ZP3: variants seen among roughly 807,000 people sequenced by gnomAD.
ZP3 encodes the protein zona pellucida sperm-binding protein 3.
ZP3 carries 21 observed loss-of-function variants against 35.6 expected under a neutral mutation model. The observed-to-expected ratio is 0.59, with a 90% CI of 0.42 to 0.85. ZP3 has a LOEUF of 0.85. ZP3 is among the 40% of genes least tolerant of loss of function. The probability of loss-of-function intolerance (pLI) is 0.00; values close to 1 mark genes in which losing one functional copy is unlikely to be tolerated. For synonymous variants in ZP3, 207 were observed against 214.5 expected (o/e 0.96, Z 0.31); for missense variants, 437 against 536.5 (o/e 0.81, Z 1.83).
At chr7:76,424,939 C>A (rs576686860), upstream of ZP3, 3 of 1,494,570 alleles carry the variant, frequency 2.0e-6, no homozygotes, top group African/African-American at 2.8e-5. Flanking sequence ...TGGCCAGAGG[C>A]GGCTGCCTGC....
At chr7:76,416,484 G>C (rs950814224) in intron 1 of ZP3, among the ~76,000 whole-genome samples, 1 of 151,798 alleles carries the variant, frequency 6.6e-6, no homozygotes, top group Non-Finnish European at 1.5e-5. Context: ...GCTACAGTCA[G>C]GGTCACATGC....
At position 76,429,553 on chromosome 7, in the gene ZP3, C is replaced by A; in HGVS notation, c.351C>A (p.Leu117=). 1.2e-6 allele frequency: 2 copies of A among 1,614,102 alleles called. No individual in the cohort carries two copies. The highest frequency in any genetic ancestry group is 1.7e-6 in the Non-Finnish European group (2 of 1,179,998). Residue 117 remains leucine, a synonymous_variant, in exon 2 of 8, where the codon CTC becomes CTA. Coordinates refer to ENST00000394857, the MANE Select transcript of ZP3 (RefSeq NM_001110354.2). ...CCCTGGTGTACAGCACCTTCCTGCTCCATGACCCCCGCCCCGTGGGAAACC... is the reference window on the plus strand; with the variant it reads ...CCCTGGTGTACAGCACCTTCCTGCTACATGACCCCCGCCCCGTGGGAAACC... ...DDALVYSTFL[L]HDPRPVGNLS... is the part of the protein sequence containing the mutation.
chr7:76,409,323 TCACACA>T (rs3081030), intron 1 of ZP3: 19,366 of 146,396 alleles, frequency 0.13, 1,825 homozygotes, highest in African/African-American at 0.28. Flanking sequence ...TCTCTCTGTC[TCACACA>T]CACACACACA....
At chr7:76,423,452 G>A (rs564863177), upstream of ZP3, among the ~76,000 whole-genome samples, 16 of 152,280 alleles carry the variant, frequency 1.1e-4, no homozygotes, top group South Asian at 2.3e-3. Flanking sequence ...TGGCAACAAG[G>A]CTGTCAATCA....
intron 2 of ZP3, 99 bp from the exon 3 acceptor site, chr7:76,432,828 G>A: frequency 1.0e-6 from 1 of 1,004,594 alleles, no homozygotes. Flanking sequence ...CCATAGCTGA[G>A]GACCCTGTAG....
At chr7:76,432,622 C>T (rs73363157) in intron 2 of ZP3, among the ~76,000 whole-genome samples, 6,292 of 152,172 alleles carry the variant, frequency 0.041, 385 homozygotes, top group African/African-American at 0.14. Context: ...AGGTCCAGGG[C>T]TCAAGAGGGA....
chr7:76,429,382 G>A (rs1193887297), intron 1 of ZP3, 133 bp from the exon 2 acceptor site: 2 of 800,608 alleles, frequency 2.5e-6, no homozygotes, highest in Non-Finnish European at 4.3e-6. Flanking sequence ...ACAGGCATGA[G>A]TCACTGCACC....
Position 76,415,364 on chromosome 7 carries a change from C to CAAAAAAAAAAAAAAAAAAAAAAAA in ZP3, c.-66-9673_-66-9672insAAAAAAAAAAAAAAAAAAAAAAAA, listed in dbSNP as rs528001072. Among the ~76,000 whole-genome samples the CAAAAAAAAAAAAAAAAAAAAAAAA allele has an allele frequency of 7.7e-4, 49 of 63,498 alleles. 5 individuals carry two copies. Among genetic ancestry groups the CAAAAAAAAAAAAAAAAAAAAAAAA allele is most frequent in the African/African-American group, 3.1e-3 (38 of 12,384 alleles). 41.7% of individuals were successfully genotyped at this position (63,498 alleles called of 152,430 possible). A position where few individuals can be genotyped will look rare whatever the true frequency, so the allele number is the denominator to read the frequency against. ...CTGGCGATAGAGTGAGACTCCGTCTCAAAAAAAAAAAAAAAGGTCTGGAAT... is the reference window on the plus strand; with the variant it reads ...CTGGCGATAGAGTGAGACTCCGTCTCAAAAAAAAAAAAAAAAAAAAAAAAAAAAAAAAAAAAAAAGGTCTGGAAT... On this transcript the variant is annotated intron_variant, in intron 1 of 8. Transcript: ENST00000336517.
chr7:76,429,388 G>T (rs1805763551), intron 1 of ZP3, 127 bp from the exon 2 acceptor site: 1 of 841,458 alleles, frequency 1.2e-6, no homozygotes. Context: ...ATGAGTCACT[G>T]CACCTGGCCT....
Position 76,438,538 on chromosome 7 carries a change from GAA to G in ZP3, c.832-1694_832-1693del, listed in dbSNP as rs71085417. 3.2e-4 allele frequency among the ~76,000 whole-genome samples: 28 copies of G among 88,518 alleles called. 1 individual carries two copies. Among genetic ancestry groups the G allele is most frequent in the African/African-American group, 1.0e-3 (19 of 18,352 alleles). The allele number at this position is 88,518 out of a possible 152,430, so 58.1% of individuals were successfully genotyped here. On this transcript the variant is annotated intron_variant, in intron 5 of 7. Coordinates refer to ENST00000394857, the MANE Select transcript of ZP3 (RefSeq NM_001110354.2). ...TGGACTAGAGACAGACTCCGTCTCA[GAA>G]AAAAAAAAAAAAAAAAAGGGTAGCG...
chr7:76,437,404 G>T (rs1806051272), intron 5 of ZP3, among the ~76,000 whole-genome samples: 1 of 151,368 alleles, frequency 6.6e-6, no homozygotes, highest in African/African-American at 2.4e-5. Context: ...TTAAACTCCT[G>T]ACCTCAGGTG....
At chr7:76,437,171 C>CTTTTTTTTTTTTT (rs869115807) in intron 5 of ZP3, among the ~76,000 whole-genome samples, 2 of 78,702 alleles carry the variant, frequency 2.5e-5, no homozygotes, top group Admixed American at 1.7e-4. Flanking sequence ...ACCCTGTGTA[C>CTTTTTTTTTTTTT]TTTTTTTTTT....
chr7:76,437,494 TTTTGG>T (rs1563704307), intron 5 of ZP3, among the ~76,000 whole-genome samples: 1 of 150,518 alleles, frequency 6.6e-6, no homozygotes, highest in African/African-American at 2.5e-5. Flanking sequence ...TTTTGTTTTT[TTTTGG>T]GGGGAAATGG....
At position 76,425,114 on chromosome 7, in the gene ZP3, T is replaced by A; in HGVS notation, c.150T>A (p.Thr50=). ...QPVLVECQEA[T]LMVMVSKDLF... ...TACTGGTGGAGTGTCAGGAGGCCACTCTGATGGTCATGGTCAGCAAAGACC... is the reference window on the plus strand; with the variant it reads ...TACTGGTGGAGTGTCAGGAGGCCACACTGATGGTCATGGTCAGCAAAGACC... Residue 50 remains threonine (T), a synonymous_variant, in exon 1 of 8, where the codon ACT becomes ACA. Transcript: ENST00000394857. 1 of 1,613,940 alleles carries A rather than the reference T, an allele frequency of 6.2e-7. No individual in the cohort carries two copies. Among genetic ancestry groups the A allele is most frequent in the Non-Finnish European group, 8.5e-7 (1 of 1,180,012 alleles).
intron 1 of ZP3, among the ~76,000 whole-genome samples, chr7:76,407,258 G>A (rs777392535): frequency 6.6e-6 from 1 of 152,088 alleles, no homozygotes; most frequent in Non-Finnish European, 1.5e-5. Context: ...ACCAGGCTTG[G>A]CCCTGATTTA....
At chr7:76,438,538 G>GGAAAAAAAAAAAA (rs1554626485) in intron 5 of ZP3, among the ~76,000 whole-genome samples, 5 of 88,562 alleles carry the variant, frequency 5.6e-5, no homozygotes, top group African/African-American at 2.7e-4. Context: ...CTCCGTCTCA[G>GGAAAAAAAAAAAA]AAAAAAAAAA....
intron 1 of ZP3, among the ~76,000 whole-genome samples, chr7:76,412,187 CAAAA>C (rs200042424): frequency 1.3e-5 from 1 of 79,576 alleles, no homozygotes; most frequent in Non-Finnish European, 3.1e-5. Flanking sequence ...GACTCTGTCT[CAAAA>C]AAAAAAAAAA....
intron 1 of ZP3, among the ~76,000 whole-genome samples, chr7:76,417,193 G>A (rs1418383979): frequency 2.0e-5 from 3 of 151,858 alleles, no homozygotes; most frequent in Non-Finnish European, 4.4e-5. Flanking sequence ...AAGTAGCTGG[G>A]ATTACAGGCA....
In ZP3 at chr7:76,425,264, C is replaced by T. The variant is rs1399228320; in HGVS notation, c.300C>T (p.Gly100=). 2 of 1,606,572 alleles carry T rather than the reference C, an allele frequency of 1.2e-6. No individual in the cohort carries two copies. The highest frequency in any genetic ancestry group is 1.3e-5 in the African/African-American group (1 of 74,754). ...VRFEVGLHEC[G]NSMQVTDDAL... is the part of the protein sequence containing the mutation. ...TTGAGGTTGGACTCCACGAGTGTGG[C>T]AACAGCATGCAGGTAAGAGAGGCTG... Residue 100 remains glycine (G), a synonymous_variant, in exon 1 of 8, where the codon GGC becomes GGT. Transcript: ENST00000394857.
Sources: allele counts gnomAD v4.1 joint callset (sites outside exome capture counted in the v4.1 genomes callset), GRCh38; gene constraint gnomAD v4.1.1; transcripts MANE v1.5; gene names NCBI Gene and HGNC (gene_info 2026-07-23, HGNC 2026-07-21).